The following EXD3 variants were observed in gnomAD, a reference collection of about 807,000 sequenced individuals.
EXD3 encodes the protein exonuclease mut-7 homolog.
Under a neutral mutation model 98.0 loss-of-function variants are expected in EXD3, and 92 were observed. That is an observed-to-expected ratio of 0.94 (90% confidence interval 0.79 to 1.12). The LOEUF (loss-of-function observed/expected upper bound fraction) is 1.12. EXD3 is among the 50% of genes most tolerant of loss of function. The probability of loss-of-function intolerance (pLI) is 0.00; values close to 1 mark genes in which losing one functional copy is unlikely to be tolerated. For missense variants in EXD3, 1,222 were observed against 1,191.6 expected (o/e 1.03, Z -0.38); for synonymous variants, 569 against 526.0 (o/e 1.08, Z -1.12).
intron 17 of EXD3, among the ~76,000 whole-genome samples, chr9:137,337,633 A>G (rs1833428735): frequency 6.6e-6 from 1 of 151,658 alleles, no homozygotes; most frequent in African/African-American, 2.4e-5. Context: ...CCTGGGCGAC[A>G]GAGCGAGATT....
Position 137,335,158 on chromosome 9 carries a change from G to A in EXD3, c.1999-11015C>T, listed in dbSNP as rs566333156. Among the ~76,000 whole-genome samples, 14 of 151,516 alleles carry A rather than the reference G, an allele frequency of 9.2e-5. No homozygotes were observed. In the East Asian group the frequency reaches 1.7e-3, roughly 19 times the overall value. On this transcript the variant is annotated intron_variant, in intron 17 of 21. Coordinates refer to ENST00000340951, the MANE Select transcript of EXD3 (RefSeq NM_017820.5). Reference sequence around the variant, plus strand: ...AATATTTGCAAACTATGCATCTAACGAAGAGGTAATATCAAGAATCTACAA... The same window carrying A: ...AATATTTGCAAACTATGCATCTAACAAAGAGGTAATATCAAGAATCTACAA...
In EXD3 at chr9:137,371,633, C is replaced by T. The variant is rs535780888; in HGVS notation, c.462+1272G>A. Among the ~76,000 whole-genome samples the T allele has an allele frequency of 1.3e-4, 19 of 151,934 alleles. No homozygotes were observed. Among genetic ancestry groups the T allele is most frequent in the Admixed American group, 5.9e-4 (9 of 15,284 alleles). ...GGAGTGGACCAGTGCCCCTGAGTGC[C>T]GGCCTCCTCATACATGATCAGTGCA... On this transcript the variant is annotated intron_variant, in intron 5 of 21. Coordinates refer to ENST00000340951, the MANE Select transcript of EXD3 (RefSeq NM_017820.5). This position sits in a 1 kb window ranked among gnomAD's most constrained non-coding sequence, Gnocchi z 8.0.
At chr9:137,356,404 TTTAAG>T in intron 7 of EXD3, 36 bp from the exon 8 acceptor site, 4 of 1,297,884 alleles carry the variant, frequency 3.1e-6, no homozygotes, top group East Asian at 2.5e-5. Flanking sequence ...CTGTTGCTGT[TTTAAG>T]TTAATACATT....
intron 17 of EXD3, among the ~76,000 whole-genome samples, chr9:137,328,631 A>G (rs78883477): frequency 0.52 from 23,212 of 44,324 alleles, 4,584 homozygotes; most frequent in East Asian, 0.69. Context: ...ACTACACGGG[A>G]CTACACGGGG....
At position 137,337,026 on chromosome 9, in the gene EXD3, AT is replaced by A. The variant is rs547718173; in HGVS notation, c.1998+11044del. 3.7e-3 allele frequency among the ~76,000 whole-genome samples: 564 copies of A among 152,320 alleles called. 1 individual carries two copies. The highest frequency in any genetic ancestry group is 7.7e-3 in the Admixed American group (118 of 15,286). On this transcript the variant is annotated intron_variant, in intron 17 of 21. Transcript: ENST00000340951. ...AGTTTACAAGAAACACACCTACTAT[AT>A]AAAAGAAGGTTGAAAGTAAAAGGAT...
At chr9:137,377,611 C>T (rs563794772) in intron 3 of EXD3, among the ~76,000 whole-genome samples, 1 of 150,952 alleles carries the variant, frequency 6.6e-6, no homozygotes, top group South Asian at 2.1e-4. Context: ...ATCTCAGCTA[C>T]TCAGGAGGCT....
At position 137,385,165 on chromosome 9, in the gene EXD3, G is replaced by A. The variant is rs1449914650; in HGVS notation, c.56-1788C>T. 1.3e-5 allele frequency among the ~76,000 whole-genome samples: 2 copies of A among 152,216 alleles called. No homozygotes were observed. Among genetic ancestry groups the A allele is most frequent in the Non-Finnish European group, 2.9e-5 (2 of 68,040 alleles). On this transcript the variant is annotated intron_variant, in intron 2 of 21. Transcript: ENST00000340951. The surrounding 1 kb of genome is among the most constrained non-coding windows in gnomAD (Gnocchi z 4.4). ...CCATGGCGTCTCTGCAGCCACCTGG[G>A]CCTGGGTGGCACAGGCCAGTGTTCC...
chr9:137,410,049 G>A (rs1837921308), intron 1 of EXD3, among the ~76,000 whole-genome samples: 1 of 151,966 alleles, frequency 6.6e-6, no homozygotes, highest in Non-Finnish European at 1.5e-5. Context: ...GGTGGCAGGT[G>A]CCTGTAATCC....
chr9:137,325,454 A>T (rs1832345097), intron 17 of EXD3, among the ~76,000 whole-genome samples: 1 of 150,884 alleles, frequency 6.6e-6, no homozygotes, highest in Non-Finnish European at 1.5e-5. Flanking sequence ...TTTTTTTGAG[A>T]TGGAGTCTCA....
intron 1 of EXD3, among the ~76,000 whole-genome samples, chr9:137,420,288 A>C (rs1359384293): frequency 6.6e-6 from 1 of 152,242 alleles, no homozygotes; most frequent in African/African-American, 2.4e-5. Context: ...TTCCAGAGTC[A>C]GAAAACCTTT....
chr9:137,411,724 T>A (rs186035991), intron 1 of EXD3, among the ~76,000 whole-genome samples: 14 of 50,664 alleles, frequency 2.8e-4, no homozygotes, highest in African/African-American at 1.0e-3. Context: ...GGGGGATGGG[T>A]GGGGGAGGGG....
intron 1 of EXD3, among the ~76,000 whole-genome samples, chr9:137,398,587 C>T (rs560765374): frequency 4.0e-5 from 6 of 150,850 alleles, no homozygotes; most frequent in Admixed American, 3.3e-4. Flanking sequence ...GACACACAGG[C>T]AACCGCGTCC....
intron 1 of EXD3, among the ~76,000 whole-genome samples, chr9:137,418,475 G>A (rs192886178): frequency 1.2e-4 from 18 of 152,306 alleles, no homozygotes; most frequent in East Asian, 1.2e-3. Context: ...GCATAGGAAA[G>A]CTAAATATAT....
At position 137,372,899 on chromosome 9, in the gene EXD3, A is replaced by T. The variant is rs904627888; in HGVS notation, c.462+6T>A. 1 of 1,597,416 alleles carries T rather than the reference A, an allele frequency of 6.3e-7. No homozygotes were observed. Among genetic ancestry groups the T allele is most frequent in the African/African-American group, 1.3e-5 (1 of 74,840 alleles). ...CCCCATGAGCCCGGCCACGTGGGCC[A>T]CTCACTTCTCTGAACCTGCCCTCGT... On this transcript the variant is annotated splice_donor_region_variant and intron_variant, in intron 5 of 21. Coordinates refer to ENST00000340951, the MANE Select transcript of EXD3 (RefSeq NM_017820.5).
intron 19 of EXD3, among the ~76,000 whole-genome samples, chr9:137,319,332 G>T (rs1006437998): frequency 6.6e-6 from 1 of 152,228 alleles, no homozygotes; most frequent in Admixed American, 6.5e-5. Flanking sequence ...GCGTGGTCCC[G>T]GGGCCCGGCC....
chr9:137,389,711 C>A (rs1171936350), intron 2 of EXD3, among the ~76,000 whole-genome samples: 1 of 152,164 alleles, frequency 6.6e-6, no homozygotes, highest in Non-Finnish European at 1.5e-5. Flanking sequence ...CAGGTGGATG[C>A]ATGCAGAGAG....
At chr9:137,386,267 C>T (rs1034967668) in intron 2 of EXD3, among the ~76,000 whole-genome samples, 1 of 152,072 alleles carries the variant, frequency 6.6e-6, no homozygotes, top group African/African-American at 2.4e-5. Context: ...GCCCTCCAGC[C>T]TGGGGGACAG....
In EXD3 at chr9:137,371,792, T is replaced by C. The variant is rs1471495012; in HGVS notation, c.462+1113A>G. 2.6e-5 allele frequency among the ~76,000 whole-genome samples: 4 copies of C among 151,788 alleles called. No individual in the cohort carries two copies. Among genetic ancestry groups the C allele is most frequent in the Non-Finnish European group, 5.9e-5 (4 of 67,924 alleles). ...CCTGGCAGGACACCCCCGGGCTTCTTTGCCGCACCTCGTGCTGCACCCTAG... is the reference window on the plus strand; with the variant it reads ...CCTGGCAGGACACCCCCGGGCTTCTCTGCCGCACCTCGTGCTGCACCCTAG... On this transcript the variant is annotated intron_variant, in intron 5 of 21. Transcript: ENST00000340951. This position sits in a 1 kb window ranked among gnomAD's most constrained non-coding sequence, Gnocchi z 8.0.
At chr9:137,338,753 A>T (rs28708412) in intron 17 of EXD3, among the ~76,000 whole-genome samples, 1 of 149,168 alleles carries the variant, frequency 6.7e-6, no homozygotes, top group African/African-American at 2.5e-5. Context: ...AAAAGCTGGG[A>T]GTGGTGGCGG....
Sources: gnomAD v4.1 joint callset for allele counts (sites outside exome capture counted in the v4.1 genomes callset) on GRCh38, gnomAD v4.1.1 for gene constraint, Gnocchi (gnomAD v3.1) non-coding constraint, MANE v1.5 for transcripts, NCBI Gene and HGNC (gene_info 2026-07-23, HGNC 2026-07-21) for gene names.